The following PTPRK variants were observed in gnomAD, a reference collection of about 807,000 sequenced individuals.
The protein encoded by PTPRK is protein tyrosine phosphatase receptor type K, also known as receptor-type tyrosine-protein phosphatase kappa.
A neutral mutation model predicts 178.0 loss-of-function variants in PTPRK; 75 were observed. The ratio of observed to expected loss-of-function variants is 0.42; its 90% confidence interval spans 0.35 to 0.51. The LOEUF (loss-of-function observed/expected upper bound fraction) is 0.51, where lower values mean the gene tolerates loss of function less well. Ranked by LOEUF, PTPRK falls within the 20% of genes least tolerant of loss-of-function variation. PTPRK has a pLI of 0.02. For missense variants in PTPRK, 1,441 were observed against 1,797.8 expected (o/e 0.80, Z 3.59); for synonymous variants, 637 against 620.6 (o/e 1.03, Z -0.39).
At chr6:128,168,434 C>T (rs944017463) in intron 7 of PTPRK, among the ~76,000 whole-genome samples, 21 of 152,102 alleles carry the variant, frequency 1.4e-4, no homozygotes, top group Admixed American at 9.2e-4. Flanking sequence ...ATCTGTACTC[C>T]CATGTTCACT....
chr6:128,329,353 A>T (rs1214661104), intron 2 of PTPRK, among the ~76,000 whole-genome samples: 1 of 149,062 alleles, frequency 6.7e-6, no homozygotes, highest in Non-Finnish European at 1.5e-5. Flanking sequence ...ATTAGTCAGG[A>T]TTCTCCAGAG....
intron 3 of PTPRK, among the ~76,000 whole-genome samples, chr6:128,243,506 A>G (rs1242602238): frequency 6.7e-6 from 1 of 149,778 alleles, no homozygotes; most frequent in Non-Finnish European, 1.5e-5. Context: ...AAAAAAAAAA[A>G]AAAAAAAGAA....
At position 128,242,582 on chromosome 6, in the gene PTPRK, G is replaced by T. The variant is rs373638110; in HGVS notation, c.516C>A (p.Val172=). ...NEYQVIFEAE[V]SGGRSGYIAI... is the part of the protein sequence containing the mutation. ...CAATATAACCACTTCTCCCTCCTGA[G>T]ACTTCAGCTTCAAATATTACCTGTC... The change falls in exon 4 of 30, where the codon GTC becomes GTA. Residue 172 remains valine (V), a synonymous_variant. Coordinates refer to ENST00000368226, the MANE Select transcript of PTPRK (RefSeq NM_002844.4). 68 of 1,612,512 alleles carry T rather than the reference G, an allele frequency of 4.2e-5. No individual in the cohort carries two copies. The highest frequency in any genetic ancestry group is 5.3e-5 in the Non-Finnish European group (63 of 1,179,490).
At chr6:128,114,810 C>A (rs1411048507) in intron 7 of PTPRK, among the ~76,000 whole-genome samples, 1 of 151,546 alleles carries the variant, frequency 6.6e-6, no homozygotes, top group African/African-American at 2.4e-5. Flanking sequence ...AGAGTAAAGA[C>A]CCAGAGACAG....
intron 1 of PTPRK, among the ~76,000 whole-genome samples, chr6:128,464,644 T>TATAC (rs1849569479): frequency 1.2e-5 from 1 of 84,366 alleles, no homozygotes; most frequent in Admixed American, 1.1e-4. Context: ...TACACATATA[T>TATAC]ATATATATAT....
At chr6:128,128,907 A>C (rs2042106192) in intron 7 of PTPRK, among the ~76,000 whole-genome samples, 1 of 152,240 alleles carries the variant, frequency 6.6e-6, no homozygotes, top group Non-Finnish European at 1.5e-5. Context: ...AGTGCTGCAC[A>C]GAAATGACAT....
intron 1 of PTPRK, among the ~76,000 whole-genome samples, chr6:128,423,790 T>G (rs929284172): frequency 2.6e-5 from 4 of 151,936 alleles, no homozygotes; most frequent in African/African-American, 9.7e-5. Flanking sequence ...ATCACGCCAC[T>G]GCACTCCAGC....
At chr6:128,078,747 A>C (rs961254617) in intron 11 of PTPRK, 66 bp downstream of exon 11, 1 of 1,180,352 alleles carries the variant, frequency 8.5e-7, no homozygotes, top group East Asian at 2.3e-5. Flanking sequence ...TTTTAGGCAT[A>C]CTTGGGCATC....
chr6:127,999,416 C>G (rs1777536025), intron 15 of PTPRK, among the ~76,000 whole-genome samples: 1 of 152,054 alleles, frequency 6.6e-6, no homozygotes, highest in Admixed American at 6.6e-5. Flanking sequence ...ACACTCTGCA[C>G]TGGGAAACAT....
At chr6:128,343,119 T>C (rs1035287287) in intron 2 of PTPRK, among the ~76,000 whole-genome samples, 2 of 152,210 alleles carry the variant, frequency 1.3e-5, no homozygotes, top group African/African-American at 4.8e-5. Context: ...ATCAAGAATG[T>C]ACAAAAGATG....
At chr6:128,463,815 A>C (rs1849403480) in intron 1 of PTPRK, among the ~76,000 whole-genome samples, 1 of 140,176 alleles carries the variant, frequency 7.1e-6, no homozygotes, top group Admixed American at 7.7e-5. Context: ...GCAGTGGCAC[A>C]ATCTTGGCTC....
Position 128,154,188 on chromosome 6 carries a change from TAATA to T in PTPRK, c.1162+30240_1162+30243del, listed in dbSNP as rs993248292. Among the ~76,000 whole-genome samples the T allele has an allele frequency of 4.3e-4, 65 of 151,856 alleles. 1 individual carries two copies. Among genetic ancestry groups the T allele is most frequent in the Admixed American group, 3.0e-3 (45 of 15,206 alleles). On this transcript the variant is annotated intron_variant, in intron 7 of 29. Coordinates refer to ENST00000368226, the MANE Select transcript of PTPRK (RefSeq NM_002844.4). Reference sequence around the variant, plus strand: ...CAGTTGCATGTCACATCTTATCTGTTAATAAATAATTGATATATATTAATAATTA... The same window carrying T: ...CAGTTGCATGTCACATCTTATCTGTTAATAATTGATATATATTAATAATTA...
chr6:128,434,694 A>G (rs935042315), intron 1 of PTPRK, among the ~76,000 whole-genome samples: 1 of 152,182 alleles, frequency 6.6e-6, no homozygotes, highest in African/African-American at 2.4e-5. Flanking sequence ...ATGCTGGTCC[A>G]TTCCAGAATA....
chr6:127,987,436 C>A (rs1450198231), intron 21 of PTPRK, among the ~76,000 whole-genome samples: 1 of 151,986 alleles, frequency 6.6e-6, no homozygotes, highest in Non-Finnish European at 1.5e-5. Context: ...AAATCAGGAA[C>A]TATATCGTTC....
intron 7 of PTPRK, among the ~76,000 whole-genome samples, chr6:128,124,691 T>C (rs900158601): frequency 3.3e-5 from 5 of 152,182 alleles, no homozygotes; most frequent in Non-Finnish European, 1.5e-5. Flanking sequence ...TTGTGGATGA[T>C]ATTAACATTT....
At chr6:128,508,844 T>G (rs12176551) in intron 1 of PTPRK, among the ~76,000 whole-genome samples, 34,709 of 151,340 alleles carry the variant, frequency 0.23, 4,587 homozygotes, top group African/African-American at 0.36. Context: ...CTACTTGGGA[T>G]GCTGAGGCAG....
At chr6:128,359,483 G>A (rs1026670750) in intron 2 of PTPRK, among the ~76,000 whole-genome samples, 1 of 151,996 alleles carries the variant, frequency 6.6e-6, no homozygotes, top group Non-Finnish European at 1.5e-5. Flanking sequence ...CAGACGCAGT[G>A]GCTCACGCCT....
chr6:128,009,035 G>T (rs989676390), intron 14 of PTPRK, 95 bp downstream of exon 14: 2 of 1,178,204 alleles, frequency 1.7e-6, no homozygotes, highest in African/African-American at 1.6e-5. Context: ...TCTTCCTGTT[G>T]TTTGTTCTAA....
chr6:128,376,196 T>C (rs1486878299), intron 2 of PTPRK, among the ~76,000 whole-genome samples: 1 of 152,174 alleles, frequency 6.6e-6, no homozygotes, highest in Non-Finnish European at 1.5e-5. Flanking sequence ...CACACTTCCC[T>C]AGCAGAAGTT....
Sources: gnomAD v4.1 joint callset for allele counts (sites outside exome capture counted in the v4.1 genomes callset) on GRCh38, gnomAD v4.1.1 for gene constraint, MANE v1.5 for transcripts, NCBI Gene and HGNC (gene_info 2026-07-23, HGNC 2026-07-21) for gene names.